Variants in PDE7A observed in about 807,000 individuals in gnomAD.
PDE7A encodes the protein phosphodiesterase 7A.
A neutral mutation model predicts 64.3 loss-of-function variants in PDE7A; 39 were observed. The observed-to-expected ratio is 0.61, with a 90% CI of 0.47 to 0.79. The LOEUF (loss-of-function observed/expected upper bound fraction) is 0.79. Among genes scored for constraint, PDE7A ranks in the 30% least tolerant of loss-of-function variants. PDE7A has a pLI of 0.00. For synonymous variants in PDE7A, 203 were observed against 206.8 expected, an observed-to-expected ratio of 0.98 and a Z score of 0.16; for missense variants, 470 against 582.8, an observed-to-expected ratio of 0.81 and a Z score of 1.99.
intron 1 of PDE7A, among the ~76,000 whole-genome samples, chr8:65,829,953 A>G (rs1245370312): frequency 1.3e-5 from 2 of 152,176 alleles, no homozygotes; most frequent in African/African-American, 4.8e-5. Flanking sequence ...ATCAGCATGG[A>G]GAGTAAAGAG....
intron 1 of PDE7A, chr8:65,789,002 C>T: frequency 6.3e-7 from 1 of 1,596,414 alleles, no homozygotes; most frequent in East Asian, 2.2e-5. Flanking sequence ...AGGAAAACTT[C>T]TTAGGAGTCT....
chr8:65,734,202 C>A (rs192841669), intron 7 of PDE7A, among the ~76,000 whole-genome samples: 22 of 152,212 alleles, frequency 1.4e-4, no homozygotes, highest in African/African-American at 4.8e-4. Flanking sequence ...GGAAGACTTC[C>A]ACCTTCTACT....
chr8:65,798,292 C>A (rs546660040), intron 1 of PDE7A, among the ~76,000 whole-genome samples: 2 of 150,094 alleles, frequency 1.3e-5, no homozygotes, highest in African/African-American at 4.9e-5. Flanking sequence ...TCACTGCAAC[C>A]TCTACCTCTC....
intron 3 of PDE7A, among the ~76,000 whole-genome samples, chr8:65,761,857 C>T (rs1159477210): frequency 6.6e-6 from 1 of 152,188 alleles, no homozygotes; most frequent in African/African-American, 2.4e-5. Context: ...AGGAAACAAG[C>T]GCTGAAGAAC....
At chr8:65,804,206 GTC>G (rs909592461) in intron 1 of PDE7A, among the ~76,000 whole-genome samples, 1 of 152,090 alleles carries the variant, frequency 6.6e-6, no homozygotes, top group Non-Finnish European at 1.5e-5. Context: ...CATTTTTAAA[GTC>G]TCTCTCATGG....
chr8:65,723,484 TC>T (rs1360126762), intron 12 of PDE7A, 56 bp downstream of exon 12: 5 of 1,347,702 alleles, frequency 3.7e-6, no homozygotes, highest in African/African-American at 1.5e-5. Flanking sequence ...ATATTTCCCT[TC>T]TTGATAAAAA....
At chr8:65,740,731 T>C (rs1223575400) in intron 5 of PDE7A, among the ~76,000 whole-genome samples, 6 of 152,140 alleles carry the variant, frequency 3.9e-5, no homozygotes, top group Non-Finnish European at 7.4e-5. Flanking sequence ...AGCCAATCCA[T>C]CCACACCTCC....
chr8:65,822,391 G>A lies in PDE7A; in HGVS notation c.138+18980C>T, dbSNP rs114342628. ...CCACCGCAGAGAAAGGGATGGCATT[G>A]TGGGAAGGAGAAAAAGGAGGAAGTG... On this transcript the variant is annotated intron_variant, in intron 1 of 12. Transcript: ENST00000401827. Among the ~76,000 whole-genome samples, 892 of 152,338 alleles carry A rather than the reference G, an allele frequency of 5.9e-3. 9 individuals are homozygous for A. Among genetic ancestry groups the A allele is most frequent in the African/African-American group, 0.02 (843 of 41,574 alleles).
At chr8:65,840,042 T>G (rs1162931536) in intron 1 of PDE7A, among the ~76,000 whole-genome samples, 1 of 152,192 alleles carries the variant, frequency 6.6e-6, no homozygotes, top group Admixed American at 6.5e-5. Flanking sequence ...ACTACTACTA[T>G]TAAAAACCTT....
intron 5 of PDE7A, among the ~76,000 whole-genome samples, chr8:65,744,238 C>CA (rs564925714): frequency 7.6e-4 from 112 of 146,678 alleles, no homozygotes; most frequent in South Asian, 3.9e-3. Context: ...AACAAAACAA[C>CA]AAAAAAAAAC....
intron 3 of PDE7A, chr8:65,770,840 A>C (rs1252885947): frequency 1.3e-5 from 2 of 156,564 alleles, no homozygotes; most frequent in Non-Finnish European, 2.9e-5. Context: ...TAAGTTTCTA[A>C]ATTTGATAGG....
At chr8:65,763,560 C>T (rs967031909) in intron 3 of PDE7A, among the ~76,000 whole-genome samples, 4 of 121,424 alleles carry the variant, frequency 3.3e-5, no homozygotes, top group Admixed American at 7.5e-5. Context: ...AGTGAAACTC[C>T]GTCTCAAAAA....
intron 1 of PDE7A, among the ~76,000 whole-genome samples, chr8:65,830,547 G>A (rs1810792476): frequency 6.6e-6 from 1 of 151,960 alleles, no homozygotes; most frequent in African/African-American, 2.4e-5. Context: ...TTTAGAAATG[G>A]ATAAAATAAT....
intron 7 of PDE7A, among the ~76,000 whole-genome samples, chr8:65,733,214 C>T (rs1806975229): frequency 1.3e-5 from 2 of 152,132 alleles, no homozygotes; most frequent in South Asian, 4.1e-4. Context: ...AATTTTTGTC[C>T]ACATGCATCC....
intron 12 of PDE7A, chr8:65,719,738 C>T: frequency 2.0e-6 from 1 of 491,948 alleles, no homozygotes. Context: ...TATATCTAAC[C>T]TTTTCTGGTT....
At chr8:65,730,351 T>C (rs1806828167) in intron 7 of PDE7A, among the ~76,000 whole-genome samples, 1 of 151,204 alleles carries the variant, frequency 6.6e-6, no homozygotes, top group Non-Finnish European at 1.5e-5. Flanking sequence ...CAGCTAATTT[T>C]GTATTTTTAG....
chr8:65,823,565 T>A (rs1810594093), intron 1 of PDE7A, among the ~76,000 whole-genome samples: 1 of 152,186 alleles, frequency 6.6e-6, no homozygotes, highest in African/African-American at 2.4e-5. Flanking sequence ...TCTTTAACAC[T>A]GAGTGCTTCT....
At chr8:65,815,671 A>G (rs1810383925) in intron 1 of PDE7A, among the ~76,000 whole-genome samples, 1 of 152,218 alleles carries the variant, frequency 6.6e-6, no homozygotes, top group Non-Finnish European at 1.5e-5. Context: ...ATACCTTTTC[A>G]AAGGGTCTTA....
chr8:65,740,041 A>G (rs1807338052), intron 5 of PDE7A, among the ~76,000 whole-genome samples: 1 of 151,860 alleles, frequency 6.6e-6, no homozygotes, highest in Admixed American at 6.6e-5. Context: ...TTAGGTGGAG[A>G]ATGTGTCTAT....
Sources: allele counts gnomAD v4.1 joint callset (sites outside exome capture counted in the v4.1 genomes callset), GRCh38; gene constraint gnomAD v4.1.1; transcripts MANE v1.5; gene names NCBI Gene and HGNC (gene_info 2026-07-23, HGNC 2026-07-21).